Variants in FICD observed in about 807,000 individuals in gnomAD.
The protein encoded by FICD is FIC domain protein adenylyltransferase.
In FICD, 13 loss-of-function variants were observed where a neutral mutation model predicts 28.0. The ratio of observed to expected loss-of-function variants is 0.46; its 90% confidence interval spans 0.30 to 0.74. FICD has a LOEUF of 0.74. Among genes scored for constraint, FICD ranks in the 30% least tolerant of loss-of-function variants. The probability of loss-of-function intolerance (pLI) is 0.07; values close to 1 mark genes in which losing one functional copy is unlikely to be tolerated. For missense variants in FICD, 576 were observed against 624.5 expected, an observed-to-expected ratio of 0.92 and a Z score of 0.83; for synonymous variants, 268 against 266.4, an observed-to-expected ratio of 1.01 and a Z score of -0.06.
chr12:108,517,355 A>G, intron 2 of FICD, 82 bp downstream of exon 2: 1 of 1,211,242 alleles, frequency 8.3e-7, no homozygotes, highest in Middle Eastern at 2.0e-4. Flanking sequence ...TATGTGGGGC[A>G]TCGGGGTATT....
At chr12:108,517,838 T>C (rs1334949755) in intron 2 of FICD, among the ~76,000 whole-genome samples, 1 of 152,096 alleles carries the variant, frequency 6.6e-6, no homozygotes, top group African/African-American at 2.4e-5. Context: ...TTATGACAAC[T>C]AACCAGGTCT....
rs553614753 is a variant in FICD, at chr12:108,518,062, G to C, written c.302-338G>C. On this transcript the variant is annotated intron_variant, in intron 2 of 2. Coordinates refer to ENST00000552695, the MANE Select transcript of FICD (RefSeq NM_007076.3). This position sits in a 1 kb window ranked among gnomAD's most constrained non-coding sequence, Gnocchi z 4.4. The stretch of plus-strand genomic sequence containing the variant: ...CTACACTGGGAGCTGTGGCCCACAG[G>C]AAAGGCCCAGCAGAGAGGGCCCAGG... The C allele has an allele frequency of 1.7e-5, 12 of 696,160 alleles. No homozygotes were observed. The highest frequency in any genetic ancestry group is 1.4e-4 in the African/African-American group (8 of 57,226). 43.1% of individuals were successfully genotyped at this position (696,160 alleles called of 1,614,324 possible).
chr12:108,520,087 G>GTTTTTTTT lies in FICD; in HGVS notation c.*624_*631dup. The GTTTTTTTT allele has an allele frequency of 8.8e-6, 1 of 114,176 alleles. No homozygotes were observed. The highest frequency in any genetic ancestry group is 1.7e-5 in the Non-Finnish European group (1 of 58,094). 7.1% of individuals were successfully genotyped at this position (114,176 alleles called of 1,614,324 possible). ...TTTGCAAACTTTAGTGCCAGCAGCT[G>GTTTTTTTT]TTTTTTTTTTTTTTTTTTTCATATT... On this transcript the variant is annotated 3_prime_UTR_variant, in exon 3 of 3. Transcript: ENST00000552695.
intron 1 of FICD, among the ~76,000 whole-genome samples, chr12:108,516,082 G>A (rs1007263614): frequency 6.6e-6 from 1 of 152,202 alleles, no homozygotes; most frequent in Non-Finnish European, 1.5e-5. Context: ...CTTATTGTTA[G>A]CATAGTGTTT....
rs377160956 is a variant in FICD, at chr12:108,518,523, C to T, written c.425C>T (p.Ala142Val). Residue 142 changes from alanine (A) to valine (V), a missense_variant, in exon 3 of 3, where the codon GCG (alanine) becomes GTG (valine). Physicochemically the swap from Ala to Val is moderately conservative, Grantham distance 64. Transcript: ENST00000552695. The surrounding 1 kb of genome is among the most constrained non-coding windows in gnomAD (Gnocchi z 4.4). ...ALKMDPDFVD[A>V]LTEFGIFSEE... Reference sequence around the variant, plus strand: ...AAGATGGACCCGGACTTCGTGGACGCGCTCACCGAGTTTGGCATCTTCTCG... The same window carrying T: ...AAGATGGACCCGGACTTCGTGGACGTGCTCACCGAGTTTGGCATCTTCTCG... The T allele has an allele frequency of 7.1e-5, 114 of 1,614,054 alleles. No homozygotes were observed. The highest frequency in any genetic ancestry group is 3.7e-4 in the South Asian group (34 of 91,086).
At chr12:108,516,095 A>G (rs1011072645) in intron 1 of FICD, among the ~76,000 whole-genome samples, 5 of 152,174 alleles carry the variant, frequency 3.3e-5, no homozygotes, top group African/African-American at 1.2e-4. Context: ...TAGTGTTTGC[A>G]TGCCTGGCCC....
intron 2 of FICD, chr12:108,517,512 G>A (rs1035754016): frequency 2.4e-6 from 1 of 418,266 alleles, no homozygotes; most frequent in African/African-American, 2.0e-5. Context: ...CTGGGACCCA[G>A]TTGTTAAGTA....
Position 108,517,004 on chromosome 12 carries a change from C to T in FICD, c.32C>T (p.Ala11Val), listed in dbSNP as rs760504118. MMLIPMASVM[A>V]VTEPKWVSVW... is the part of the protein sequence containing the mutation. ...CTCATACCAATGGCTTCAGTGATGG[C>T]GGTGACTGAACCGAAATGGGTCTCG... The change falls in exon 2 of 3, where the codon GCG becomes GTG. Residue 11 changes from alanine (A) to valine (V), a missense_variant. Ala to Val is a moderately conservative substitution (Grantham distance 64). Coordinates refer to ENST00000552695, the MANE Select transcript of FICD (RefSeq NM_007076.3). 5.8e-6 allele frequency: 9 copies of T among 1,542,376 alleles called. No individual in the cohort carries two copies. Among genetic ancestry groups the T allele is most frequent in the African/African-American group, 4.1e-5 (3 of 73,078 alleles).
In FICD at chr12:108,517,100, C is replaced by T. The variant is rs369729485; in HGVS notation, c.128C>T (p.Pro43Leu). Residue 43 changes from proline to leucine, a missense_variant, in exon 2 of 3, where the codon CCG becomes CTG. By Grantham distance (98) the Pro-to-Leu change is moderately conservative. Transcript: ENST00000552695. ...VLGSLLALLL[P>L]LGAVEEQCLA... ...GGGTCCCTGCTGGCCCTGCTGCTGC[C>T]GCTGGGGGCTGTGGAGGAGCAGTGC... 3.4e-5 allele frequency: 55 copies of T among 1,610,076 alleles called. No homozygotes were observed. The African/African-American group carries it at 4.5e-4, about 13-fold the overall frequency.
rs1872095520 is a variant in FICD, at chr12:108,520,906, A to C, written c.*1431A>C. 6.6e-6 allele frequency: 1 copy of C among 152,210 alleles called. No individual in the cohort carries two copies. The highest frequency in any genetic ancestry group is 2.4e-5 in the African/African-American group (1 of 41,428). 9.4% of individuals were successfully genotyped at this position (152,210 alleles called of 1,614,324 possible). A position where few individuals can be genotyped will look rare whatever the true frequency, so the allele number is the denominator to read the frequency against. On this transcript the variant is annotated 3_prime_UTR_variant, in exon 3 of 3. Coordinates refer to ENST00000552695, the MANE Select transcript of FICD (RefSeq NM_007076.3). ...TCTAAAGTAGTTTATACAGTTCTTCAGTTGTATAAATAGCACAGAGTAGTT... is the reference window on the plus strand; with the variant it reads ...TCTAAAGTAGTTTATACAGTTCTTCCGTTGTATAAATAGCACAGAGTAGTT...
Position 108,518,584 on chromosome 12 carries a change from G to T in FICD, c.486G>T (p.Leu162Phe). 6.2e-7 allele frequency: 1 copy of T among 1,614,190 alleles called. No homozygotes were observed. The highest frequency in any genetic ancestry group is 8.5e-7 in the Non-Finnish European group (1 of 1,180,036). The change falls in exon 3 of 3, where the codon TTG becomes TTT. Residue 162 changes from leucine to phenylalanine, a missense_variant. Physicochemically the swap from Leu to Phe is conservative, Grantham distance 22. Coordinates refer to ENST00000552695, the MANE Select transcript of FICD (RefSeq NM_007076.3). The surrounding 1 kb of genome is among the most constrained non-coding windows in gnomAD (Gnocchi z 4.4). Reference sequence around the variant, plus strand: ...AGGACATCATCCAGGCGGACTACTTGTACACCAGAGCATTGACCATCTCAC... The same window carrying T: ...AGGACATCATCCAGGCGGACTACTTTTACACCAGAGCATTGACCATCTCAC... ...EDKDIIQADY[L>F]YTRALTISPY...
rs759789711 is a variant in FICD, at chr12:108,518,927, A to C, written c.829A>C (p.Thr277Pro). ...TGCAGCCATGAAGTACATCAACACG[A>C]CTCTGGTTTCGCGCATCGGCTCCGT... ...MHAAMKYINT[T>P]LVSRIGSVTI... Residue 277 changes from threonine (T) to proline (P), a missense_variant, in exon 3 of 3, where the codon ACT (threonine) becomes CCT (proline). Transcript: ENST00000552695. This position sits in a 1 kb window ranked among gnomAD's most constrained non-coding sequence, Gnocchi z 4.4. The C allele has an allele frequency of 6.2e-7, 1 of 1,613,706 alleles. No homozygotes were observed. The highest frequency in any genetic ancestry group is 1.1e-5 in the South Asian group (1 of 91,072).
rs1451960462 is a variant in FICD, at chr12:108,519,495, CA to C, written c.*23del. ...CCCTAACCCTAGAAATCCTCAGTGA[CA>C]AAGGCTGTCCTGAGGTAGGAAAAAA... On this transcript the variant is annotated 3_prime_UTR_variant, in exon 3 of 3. Transcript: ENST00000552695. This position sits in a 1 kb window ranked among gnomAD's most constrained non-coding sequence, Gnocchi z 4.5. 2.7e-6 allele frequency: 4 copies of C among 1,493,960 alleles called. No homozygotes were observed. The highest frequency in any genetic ancestry group is 3.7e-6 in the Non-Finnish European group (4 of 1,087,864). The allele number at this position is 1,493,960 out of a possible 1,614,324, so 92.5% of individuals were successfully genotyped here. A position where few individuals can be genotyped will look rare whatever the true frequency, so the allele number is the denominator to read the frequency against.
rs924428724 is a variant in FICD at position 108,519,610 on chromosome 12, A to C, written c.*135A>C. 1 of 586,826 alleles carries C rather than the reference A, an allele frequency of 1.7e-6. No homozygotes were observed. 36.4% of individuals were successfully genotyped at this position (586,826 alleles called of 1,614,324 possible). A position where few individuals can be genotyped will look rare whatever the true frequency, so the allele number is the denominator to read the frequency against. ...CCTCCAAATGTTTTAGTTTTAAAAA[A>C]AAAAAAAAACTAAGTTATGAAGCCT... On this transcript the variant is annotated 3_prime_UTR_variant, in exon 3 of 3. Transcript: ENST00000552695. The surrounding 1 kb of genome is among the most constrained non-coding windows in gnomAD (Gnocchi z 4.5).
rs1303358112 is a variant in FICD at position 108,518,662 on chromosome 12, AG to A, written c.565del (p.Glu189ArgfsTer14). On this transcript the variant is annotated frameshift_variant, in exon 3 of 3. Transcript: ENST00000552695. LOFTEE classifies it high-confidence loss of function. This position sits in a 1 kb window ranked among gnomAD's most constrained non-coding sequence, Gnocchi z 4.4. ...GCGATCGGACACTGCCTCTTGTGGA[AG>A]AGATCGACCAGAGGTATTTCAGCAT... ...NRDRTLPLVEEIDQRYFSIID... is the reference protein window; with the variant it reads ...NRDRTLPLVEXIDQRYFSIID... 2 of 1,614,214 alleles carry A rather than the reference AG, an allele frequency of 1.2e-6. No homozygotes were observed. Among genetic ancestry groups the A allele is most frequent in the Admixed American group, 3.3e-5 (2 of 60,026 alleles).
rs764239107 is a variant in FICD at position 108,517,280 on chromosome 12, C to G, written c.301+7C>G. ...AAGACCAAGGCCTCTCCAGGTAAGA[C>G]AGACTGGCCGTCTTCCTCAATGCTT... On this transcript the variant is annotated splice_region_variant and intron_variant, in intron 2 of 2. Transcript: ENST00000552695. 3.3e-6 allele frequency: 5 copies of G among 1,503,404 alleles called. No homozygotes were observed. Among genetic ancestry groups the G allele is most frequent in the Admixed American group, 2.1e-5 (1 of 47,342 alleles). The allele number at this position is 1,503,404 out of a possible 1,614,324, so 93.1% of individuals were successfully genotyped here. A position where few individuals can be genotyped will look rare whatever the true frequency, so the allele number is the denominator to read the frequency against.
At position 108,517,293 on chromosome 12, in the gene FICD, TTCC is replaced by T; in HGVS notation, c.301+23_301+25del. The T allele has an allele frequency of 6.7e-7, 1 of 1,484,036 alleles. No individual in the cohort carries two copies. The highest frequency in any genetic ancestry group is 1.4e-5 in the South Asian group (1 of 73,330). 91.9% of individuals were successfully genotyped at this position (1,484,036 alleles called of 1,614,324 possible). ...CTCCAGGTAAGACAGACTGGCCGTCTTCCTCAATGCTTGTTAACTGGATAGACA... is the reference window on the plus strand; with the variant it reads ...CTCCAGGTAAGACAGACTGGCCGTCTTCAATGCTTGTTAACTGGATAGACA... On this transcript the variant is annotated intron_variant, in intron 2 of 2. Transcript: ENST00000552695.
chr12:108,517,025 T>C lies in FICD; in HGVS notation c.53T>C (p.Val18Ala). The change falls in exon 2 of 3, where the codon GTC becomes GCC. Residue 18 changes from valine to alanine, a missense_variant. By Grantham distance (64) the Val-to-Ala change is moderately conservative. Transcript: ENST00000552695. ...SVMAVTEPKW[V>A]SVWSRFLWVT... The stretch of plus-strand genomic sequence containing the variant: ...ATGGCGGTGACTGAACCGAAATGGG[T>C]CTCGGTCTGGAGCCGCTTCCTCTGG... The C allele has an allele frequency of 1.3e-6, 2 of 1,563,296 alleles. No homozygotes were observed. The highest frequency in any genetic ancestry group is 1.7e-6 in the Non-Finnish European group (2 of 1,149,404).
rs1871975332 is a variant in FICD, at chr12:108,518,388, G to T, written c.302-12G>T. On this transcript the variant is annotated splice_polypyrimidine_tract_variant and intron_variant, in intron 2 of 2. Coordinates refer to ENST00000552695, the MANE Select transcript of FICD (RefSeq NM_007076.3). The surrounding 1 kb of genome is among the most constrained non-coding windows in gnomAD (Gnocchi z 4.4). ...CTCCCTCCCTCACAGCGCTTCTTTGGCTCTCTTCCAGCGGGTAAGTTGGAA... is the reference window on the plus strand; with the variant it reads ...CTCCCTCCCTCACAGCGCTTCTTTGTCTCTCTTCCAGCGGGTAAGTTGGAA... 1 of 1,612,166 alleles carries T rather than the reference G, an allele frequency of 6.2e-7. No individual in the cohort carries two copies.
Sources: gnomAD v4.1 joint callset for allele counts (sites outside exome capture counted in the v4.1 genomes callset) on GRCh38, gnomAD v4.1.1 for gene constraint, Gnocchi (gnomAD v3.1) non-coding constraint, MANE v1.5 for transcripts, NCBI Gene and HGNC (gene_info 2026-07-23, HGNC 2026-07-21) for gene names.